The following CRPPA variants were observed in gnomAD, a reference collection of about 807,000 sequenced individuals.
The protein encoded by CRPPA is D-ribitol-5-phosphate cytidylyltransferase.
CRPPA carries 43 observed loss-of-function variants against 52.0 expected under a neutral mutation model. The ratio of observed to expected loss-of-function variants is 0.83; its 90% CI spans 0.65 to 1.07. CRPPA has a LOEUF of 1.07. CRPPA is among the 50% of genes least tolerant of loss of function. The probability of loss-of-function intolerance (pLI) is 0.00; values close to 1 mark genes in which losing one functional copy is unlikely to be tolerated. For missense variants in CRPPA, 629 were observed against 551.7 expected (o/e 1.14, Z -1.40); for synonymous variants, 250 against 203.5 (o/e 1.23, Z -1.94).
intron 9 of CRPPA, among the ~76,000 whole-genome samples, chr7:16,161,645 G>GT (rs889876409): frequency 5.9e-5 from 9 of 151,490 alleles, no homozygotes; most frequent in South Asian, 2.1e-4. Context: ...CTGAAATTTT[G>GT]TTTTTTTTGT....
intron 3 of CRPPA, among the ~76,000 whole-genome samples, chr7:16,310,388 A>G (rs755277928): frequency 2.0e-5 from 3 of 152,178 alleles, no homozygotes; most frequent in Non-Finnish European, 4.4e-5. Context: ...TAGAAAACTC[A>G]CCAAGTCTAA....
intron 5 of CRPPA, among the ~76,000 whole-genome samples, chr7:16,292,749 C>T (rs1784589453): frequency 6.6e-6 from 1 of 151,890 alleles, no homozygotes; most frequent in Non-Finnish European, 1.5e-5. Flanking sequence ...CATAAATGTT[C>T]AATTCCAGTG....
chr7:16,395,685 C>T (rs947461730), intron 2 of CRPPA, among the ~76,000 whole-genome samples: 1 of 152,092 alleles, frequency 6.6e-6, no homozygotes, highest in Non-Finnish European at 1.5e-5. Flanking sequence ...AATAGAGAGG[C>T]CTTCATTTTA....
chr7:16,135,477 G>A (rs1307220449), intron 9 of CRPPA, among the ~76,000 whole-genome samples: 2 of 152,062 alleles, frequency 1.3e-5, no homozygotes, highest in African/African-American at 4.8e-5. Context: ...AAGACCACCA[G>A]AAATAATTCT....
chr7:16,168,315 T>C (rs1167213500), intron 9 of CRPPA, among the ~76,000 whole-genome samples: 3 of 152,150 alleles, frequency 2.0e-5, no homozygotes, highest in African/African-American at 7.2e-5. Context: ...AAATAGTTAA[T>C]GTTAAATTAA....
At chr7:16,103,963 G>A (rs1002395806) in intron 9 of CRPPA, among the ~76,000 whole-genome samples, 5 of 152,040 alleles carry the variant, frequency 3.3e-5, no homozygotes, top group African/African-American at 1.2e-4. Context: ...AGAATAAAAT[G>A]GGCCAATTCA....
At chr7:16,236,551 T>C (rs1348015772) in intron 8 of CRPPA, among the ~76,000 whole-genome samples, 1 of 152,132 alleles carries the variant, frequency 6.6e-6, no homozygotes, top group Non-Finnish European at 1.5e-5. Context: ...ACTGATTCCA[T>C]TAGCTTTCTA....
intron 2 of CRPPA, among the ~76,000 whole-genome samples, chr7:16,397,716 CCAA>C (rs1470089148): frequency 2.6e-5 from 4 of 152,142 alleles, no homozygotes; most frequent in Admixed American, 6.5e-5. Context: ...TGACATGCGA[CCAA>C]CGTTTGAGAC....
chr7:16,117,577 G>T (rs969921177), intron 9 of CRPPA, among the ~76,000 whole-genome samples: 3 of 152,188 alleles, frequency 2.0e-5, no homozygotes, highest in African/African-American at 7.2e-5. Context: ...CCTTGCGGGA[G>T]CTACGTGCAC....
chr7:16,341,085 T>C (rs1219947096), intron 3 of CRPPA, among the ~76,000 whole-genome samples: 2 of 151,990 alleles, frequency 1.3e-5, no homozygotes, highest in Non-Finnish European at 2.9e-5. Flanking sequence ...GGTTGTTAGA[T>C]GTTGGGGGAG....
Position 16,421,367 on chromosome 7 carries a change from G to A in CRPPA, c.-45C>T. On this transcript the variant is annotated 5_prime_UTR_variant, in exon 1 of 10. Transcript: ENST00000407010. ...AGCCCCGCTAGCCTCGGGCCGATGC[G>A]ACCCCGCGCTGCTCCCACCCTCGGC... is the stretch of plus-strand genomic sequence containing the variant. 8.2e-7 allele frequency: 1 copy of A among 1,221,638 alleles called. No homozygotes were observed. Among genetic ancestry groups the A allele is most frequent in the Non-Finnish European group, 1.0e-6 (1 of 980,936 alleles). 75.7% of individuals were successfully genotyped at this position (1,221,638 alleles called of 1,614,324 possible).
intron 4 of CRPPA, among the ~76,000 whole-genome samples, chr7:16,305,519 G>A (rs1284380460): frequency 8.5e-5 from 13 of 152,132 alleles, no homozygotes; most frequent in Admixed American, 7.2e-4. Flanking sequence ...TTCAGCATGT[G>A]TTTCCCAGGA....
chr7:16,118,092 C>T (rs771691920), intron 9 of CRPPA, among the ~76,000 whole-genome samples: 3 of 152,206 alleles, frequency 2.0e-5, no homozygotes, highest in Non-Finnish European at 4.4e-5. Context: ...TGAATTGGCT[C>T]TTAGAATGTA....
At chr7:16,361,208 A>G (rs180688022) in intron 3 of CRPPA, among the ~76,000 whole-genome samples, 1 of 152,316 alleles carries the variant, frequency 6.6e-6, no homozygotes, top group East Asian at 1.9e-4. Context: ...TTTTTAAAGT[A>G]ACTGTTGACA....
At chr7:16,180,313 G>A (rs1781385246) in intron 9 of CRPPA, among the ~76,000 whole-genome samples, 1 of 151,852 alleles carries the variant, frequency 6.6e-6, no homozygotes, top group Admixed American at 6.6e-5. Flanking sequence ...CAGAAATATA[G>A]GTACAATTTA....
At chr7:16,257,030 A>G (rs1333517141) in intron 8 of CRPPA, among the ~76,000 whole-genome samples, 1 of 152,092 alleles carries the variant, frequency 6.6e-6, no homozygotes, top group Non-Finnish European at 1.5e-5. Context: ...ATTAAACAGA[A>G]CTAACTTCAC....
intron 5 of CRPPA, among the ~76,000 whole-genome samples, chr7:16,296,841 TAACA>T (rs1784684811): frequency 6.6e-6 from 1 of 152,190 alleles, no homozygotes; most frequent in African/African-American, 2.4e-5. Flanking sequence ...GTGATGCCAG[TAACA>T]AACACTTTCT....
At chr7:16,241,199 CTTTTT>C (rs371818495) in intron 8 of CRPPA, among the ~76,000 whole-genome samples, 1 of 151,908 alleles carries the variant, frequency 6.6e-6, no homozygotes, top group African/African-American at 2.4e-5. Flanking sequence ...CTTTTCTTTT[CTTTTT>C]TTAATTTGCT....
intron 9 of CRPPA, among the ~76,000 whole-genome samples, chr7:16,140,495 G>A (rs1782849241): frequency 6.6e-6 from 1 of 152,242 alleles, no homozygotes; most frequent in South Asian, 2.1e-4. Flanking sequence ...AAGTATGGCG[G>A]TATATGCTTT....
Sources: allele counts gnomAD v4.1 joint callset (sites outside exome capture counted in the v4.1 genomes callset), GRCh38; gene constraint gnomAD v4.1.1; transcripts MANE v1.5; gene names NCBI Gene and HGNC (gene_info 2026-07-23, HGNC 2026-07-21).